The following ABCB4 variants were observed in gnomAD, a reference collection of about 807,000 sequenced individuals.
ABCB4 encodes the protein ATP binding cassette subfamily B member 4, also known as phosphatidylcholine translocator ABCB4.
ABCB4 carries 76 observed loss-of-function variants against 145.7 expected under a neutral mutation model. The ratio of observed to expected loss-of-function variants is 0.52; its 90% CI spans 0.43 to 0.63. ABCB4 has a LOEUF of 0.63. Ranked by LOEUF, ABCB4 falls within the 30% of genes least tolerant of loss-of-function variation. The pLI, the probability that ABCB4 is intolerant of heterozygous loss-of-function variation, is 0.00. For synonymous variants in ABCB4, 517 were observed against 566.8 expected, an observed-to-expected ratio of 0.91 and a Z score of 1.25; for missense variants, 1,234 against 1,553.1, an observed-to-expected ratio of 0.79 and a Z score of 3.45.
At chr7:87,422,048 C>T (rs1157997839) in intron 18 of ABCB4, 73 bp downstream of exon 18, 8 of 1,089,706 alleles carry the variant, frequency 7.3e-6, no homozygotes, top group African/African-American at 3.2e-5. Flanking sequence ...AATTTGGAAG[C>T]TCCATTAGGT....
intron 3 of ABCB4, among the ~76,000 whole-genome samples, chr7:87,463,705 G>A (rs997288686): frequency 6.6e-6 from 1 of 152,166 alleles, no homozygotes; most frequent in Non-Finnish European, 1.5e-5. Context: ...GAGGATGTTG[G>A]AGAGAGATAG....
In ABCB4 at chr7:87,406,362, C is replaced by A. The variant is rs144759131; in HGVS notation, c.3412G>T (p.Val1138Phe). 6.2e-7 allele frequency: 1 copy of A among 1,613,916 alleles called. No individual in the cohort carries two copies. Among genetic ancestry groups the A allele is most frequent in the Admixed American group, 1.7e-5 (1 of 59,996 alleles). ...CTCACAATTTCATCCTGTGATACAA[C>A]CCGGCTGTTGTCTCCATAGGCAATA... ...ENIAYGDNSRVVSQDEIVSAA... is the reference protein window; with the variant it reads ...ENIAYGDNSRFVSQDEIVSAA... Residue 1138 changes from valine to phenylalanine, a missense_variant, in exon 26 of 28, where the codon GTT becomes TTT. Around this residue, in one of 7 missense-constraint regions of ABCB4, gnomAD observed 301 missense variants for 389.0 expected, o/e 0.77. Coordinates refer to ENST00000649586, the MANE Select transcript of ABCB4 (RefSeq NM_000443.4).
chr7:87,383,225 C>T, the ABCB4 span, among the ~76,000 whole-genome samples: 1 of 152,070 alleles, frequency 6.6e-6, no homozygotes, highest in Non-Finnish European at 1.5e-5. Context: ...CTAACTGTAC[C>T]ATTATACCCA....
chr7:87,403,506 G>T, intron 26 of ABCB4: 1 of 544,186 alleles, frequency 1.8e-6, no homozygotes, highest in Non-Finnish European at 3.3e-6. Flanking sequence ...AATAGGAGGA[G>T]GATACTCTAA....
chr7:87,393,412 T>C, the ABCB4 span, among the ~76,000 whole-genome samples: 1 of 152,190 alleles, frequency 6.6e-6, no homozygotes, highest in South Asian at 2.1e-4. Flanking sequence ...TATATGGTGG[T>C]TCATGTAGTC....
At chr7:87,440,150 T>C in intron 13 of ABCB4, 49 bp downstream of exon 13, 1 of 1,563,666 alleles carries the variant, frequency 6.4e-7, no homozygotes, top group Non-Finnish European at 8.8e-7. Context: ...CTCAGTCCTA[T>C]GAGGTGAAAT....
chr7:87,475,519 C>A, intron 1 of ABCB4, 48 bp from the exon 2 acceptor site: 2 of 1,598,850 alleles, frequency 1.3e-6, no homozygotes, highest in Non-Finnish European at 1.7e-6. Context: ...TCTCCGGCGG[C>A]CCGGCGCACG....
At chr7:87,445,537 T>C (rs1811288744) in intron 9 of ABCB4, among the ~76,000 whole-genome samples, 1 of 152,240 alleles carries the variant, frequency 6.6e-6, no homozygotes, top group Non-Finnish European at 1.5e-5. Flanking sequence ...CTTCACAGTA[T>C]TTTTTCACTA....
chr7:87,411,900 C>T lies in ABCB4; in HGVS notation c.2917G>A (p.Val973Ile). 6.2e-7 allele frequency: 1 copy of T among 1,613,516 alleles called. No individual in the cohort carries two copies. The highest frequency in any genetic ancestry group is 1.1e-5 in the South Asian group (1 of 91,066). Reference sequence around the variant, plus strand: ...ATTTCTAAAGCTACTTACAGAATAACATCTCTGAAGCGCATATGTCCATTC... The same window carrying T: ...ATTTCTAAAGCTACTTACAGAATAATATCTCTGAAGCGCATATGTCCATTC... Reference protein sequence around the residue: ...IVNGHMRFRDVILVFSAIVFG... With the variant: ...IVNGHMRFRDIILVFSAIVFG... Residue 973 changes from valine to isoleucine, a missense_variant, in exon 23 of 28, where the codon GTT (valine) becomes ATT (isoleucine). Val to Ile is a conservative substitution (Grantham distance 29). Coordinates refer to ENST00000649586, the MANE Select transcript of ABCB4 (RefSeq NM_000443.4).
chr7:87,392,579 A>C, the ABCB4 span: 7 of 1,613,346 alleles, frequency 4.3e-6, no homozygotes, highest in African/African-American at 1.3e-5. Context: ...CGTGAGCGGC[A>C]GCAAAAGATG....
At chr7:87,461,359 C>CT (rs1298449122) in intron 4 of ABCB4, among the ~76,000 whole-genome samples, 5 of 152,078 alleles carry the variant, frequency 3.3e-5, no homozygotes, top group Admixed American at 2.0e-4. Context: ...TTCCCAAGCA[C>CT]TTTTTTTTCC....
Position 87,439,855 on chromosome 7 carries a change from G to T in ABCB4, c.1561-18C>A. 1 of 1,614,116 alleles carries T rather than the reference G, an allele frequency of 6.2e-7. No homozygotes were observed. ...TCAAATTTCTAACACAGAAAACATG[G>T]ATCAGCTCTTGAAGTAACTTAAATT... On this transcript the variant is annotated intron_variant, in intron 13 of 27. Transcript: ENST00000649586.
At chr7:87,429,641 C>T (rs1810065235) in intron 15 of ABCB4, among the ~76,000 whole-genome samples, 1 of 152,128 alleles carries the variant, frequency 6.6e-6, no homozygotes, top group African/African-American at 2.4e-5. Context: ...GGTAACCACT[C>T]ATGAAATTAA....
intron 26 of ABCB4, chr7:87,406,010 G>A (rs1268265686): frequency 1.9e-6 from 1 of 518,128 alleles, no homozygotes; most frequent in Non-Finnish European, 3.5e-6. Context: ...AGTACCATAG[G>A]GCTAAACCAA....
At chr7:87,418,791 G>C (rs1809188045) in intron 19 of ABCB4, among the ~76,000 whole-genome samples, 171 bp from the exon 20 acceptor site, 1 of 152,188 alleles carries the variant, frequency 6.6e-6, no homozygotes, top group African/African-American at 2.4e-5. Flanking sequence ...GCAGAACCCA[G>C]CTTCCTGACT....
rs543269695 is a variant in ABCB4 at position 87,470,210 on chromosome 7, A to T, written c.135+2411T>A. On this transcript the variant is annotated intron_variant, in intron 3 of 27. Coordinates refer to ENST00000649586, the MANE Select transcript of ABCB4 (RefSeq NM_000443.4). ...GATCCCTTCCTTACACCTTATACAAACATTAATTCAAGATGGATTAAAGAC... is the reference window on the plus strand; with the variant it reads ...GATCCCTTCCTTACACCTTATACAATCATTAATTCAAGATGGATTAAAGAC... Among the ~76,000 whole-genome samples, 1,465 of 152,362 alleles carry T rather than the reference A, an allele frequency of 9.6e-3. 26 individuals carry two copies. Among genetic ancestry groups the T allele is most frequent in the South Asian group, 0.036 (176 of 4,832 alleles).
At chr7:87,471,815 G>T (rs773198368) in intron 3 of ABCB4, among the ~76,000 whole-genome samples, 1 of 152,116 alleles carries the variant, frequency 6.6e-6, no homozygotes, top group African/African-American at 2.4e-5. Context: ...GAAAAGCACC[G>T]AAAACTGTTT....
intron 13 of ABCB4, 128 bp downstream of exon 13, chr7:87,440,071 G>A: frequency 8.3e-7 from 1 of 1,203,754 alleles, no homozygotes; most frequent in South Asian, 1.3e-5. Context: ...AGTCATTCAG[G>A]GGACTTATCT....
At chr7:87,426,665 G>GA (rs1056723924) in intron 16 of ABCB4, 85 bp downstream of exon 16, 2 of 1,447,630 alleles carry the variant, frequency 1.4e-6, no homozygotes, top group East Asian at 2.3e-5. Flanking sequence ...ATCTGTGCCT[G>GA]AAAAATATTT....
Sources: gnomAD v4.1 joint callset for allele counts (sites outside exome capture counted in the v4.1 genomes callset) on GRCh38, gnomAD v4.1.1 for gene constraint, gnomAD v4.1.1 regional missense constraint, MANE v1.5 for transcripts, NCBI Gene and HGNC (gene_info 2026-07-23, HGNC 2026-07-21) for gene names.